REPS1: variants seen among roughly 807,000 people sequenced by gnomAD.
REPS1 encodes the protein ralBP1-associated Eps domain-containing protein 1.
A neutral mutation model predicts 100.9 loss-of-function variants in REPS1; 39 were observed. The ratio of observed to expected loss-of-function variants is 0.39; its 90% confidence interval spans 0.30 to 0.50. REPS1 has a LOEUF of 0.50. Ranked by LOEUF, REPS1 falls within the 20% of genes least tolerant of loss-of-function variation. The probability of loss-of-function intolerance (pLI) is 0.86; values close to 1 mark genes in which losing one functional copy is unlikely to be tolerated. For synonymous variants in REPS1, 324 were observed against 340.3 expected, an observed-to-expected ratio of 0.95 and a Z score of 0.53; for missense variants, 821 against 968.5, an observed-to-expected ratio of 0.85 and a Z score of 2.02.
chr6:138,983,436 C>T (rs1231228064), intron 1 of REPS1, among the ~76,000 whole-genome samples: 1 of 152,022 alleles, frequency 6.6e-6, no homozygotes, highest in African/African-American at 2.4e-5. Flanking sequence ...GCCTGGGCAA[C>T]AGAGCGAGAG....
intron 10 of REPS1, among the ~76,000 whole-genome samples, chr6:138,921,988 TG>T (rs1780804263): frequency 1.3e-5 from 2 of 151,830 alleles, no homozygotes; most frequent in African/African-American, 4.8e-5. Flanking sequence ...TGTGTGTGTG[TG>T]TGTGTGTGTG....
At chr6:138,915,748 GATAAATATTTTTAAAAGAC>G in intron 14 of REPS1, 91 bp downstream of exon 14, 1 of 835,472 alleles carries the variant, frequency 1.2e-6, no homozygotes, top group Non-Finnish European at 1.9e-6. Context: ...CACTCGACCA[GATAAATATTTTTAAAAGAC>G]ATGTAATAGA....
intron 10 of REPS1, among the ~76,000 whole-genome samples, chr6:138,921,976 A>AGTGTGTGTGTGTGTGTGTGT (rs71895504): frequency 0.018 from 2,623 of 148,538 alleles, 31 homozygotes; most frequent in African/African-American, 0.028. Flanking sequence ...CATCTCAAAA[A>AGTGTGTGTGTGTGTGTGTGT]GTGTGTGTGT....
chr6:138,968,787 T>C (rs1262785201), intron 1 of REPS1, among the ~76,000 whole-genome samples: 1 of 152,214 alleles, frequency 6.6e-6, no homozygotes, highest in African/African-American at 2.4e-5. Flanking sequence ...TACAGCCACA[T>C]CAAGGCCTAT....
At chr6:138,963,954 C>T (rs1176947752) in intron 1 of REPS1, among the ~76,000 whole-genome samples, 1 of 152,190 alleles carries the variant, frequency 6.6e-6, no homozygotes, top group Non-Finnish European at 1.5e-5. Context: ...AACCCCACTG[C>T]CAACTCCCTC....
chr6:138,935,856 CG>C (rs1449985583), intron 8 of REPS1, among the ~76,000 whole-genome samples: 115 of 2,196 alleles, frequency 0.052, 1 homozygote, highest in Non-Finnish European at 0.12. Context: ...TCCATCTTGG[CG>C]GGGGGGGGGG....
chr6:138,968,042 G>A (rs79262639), intron 1 of REPS1, among the ~76,000 whole-genome samples: 2,677 of 152,238 alleles, frequency 0.018, 84 homozygotes, highest in African/African-American at 0.061. Flanking sequence ...CAAGTCAAAA[G>A]TATGTTTTCG....
At chr6:138,931,069 C>A (rs994163023) in intron 8 of REPS1, among the ~76,000 whole-genome samples, 1 of 152,092 alleles carries the variant, frequency 6.6e-6, no homozygotes, top group South Asian at 2.1e-4. Flanking sequence ...AGTACCTAAT[C>A]GGTTTAGAAC....
At position 138,920,217 on chromosome 6, in the gene REPS1, A is replaced by C. The variant is rs1276640791; in HGVS notation, c.1526T>G (p.Val509Gly). 2.0e-6 allele frequency: 3 copies of C among 1,475,612 alleles called. No individual in the cohort carries two copies. The Admixed American group carries it at 5.0e-5, about 25-fold the overall frequency. The allele number at this position is 1,475,612 out of a possible 1,614,324, so 91.4% of individuals were successfully genotyped here. The change falls in exon 12 of 20, where the codon GTA becomes GGA. Residue 509 changes from valine to glycine, a missense_variant and splice_region_variant. Around this residue, in one of 3 missense-constraint regions of REPS1, gnomAD observed 757 missense variants for 866.4 expected, o/e 0.87. Transcript: ENST00000450536. ...SSVKFASGNT[V>G]ADGYSSSDSF... ...GGAAGATGTAATACTTCACTTACCT[A>C]CAGTATTACCAGAAGCGAATTTCAC...
intron 13 of REPS1, among the ~76,000 whole-genome samples, chr6:138,916,702 C>T (rs566417626): frequency 6.6e-6 from 1 of 152,244 alleles, no homozygotes; most frequent in Admixed American, 6.5e-5. Flanking sequence ...CTGAAGTACC[C>T]TTTCATGTGT....
chr6:138,913,047 T>C (rs1176317089), intron 15 of REPS1, 97 bp from the exon 16 acceptor site: 12 of 917,118 alleles, frequency 1.3e-5, no homozygotes, highest in East Asian at 2.7e-5. Context: ...TATATAAAGA[T>C]GACCTGTTTT....
chr6:138,988,026 C>G lies in REPS1; in HGVS notation c.-344G>C, dbSNP rs922682722. On this transcript the variant is annotated 5_prime_UTR_variant, in exon 1 of 20. Transcript: ENST00000450536. ...CGCGAGGCACTGGCGGACTCCGCCC[C>G]CGCCGCGGGTTCGAGTCTCCCCGGC... 1.3e-5 allele frequency: 5 copies of G among 396,766 alleles called. No homozygotes were observed. In the East Asian group the frequency reaches 1.4e-4, roughly 11 times the overall value. 24.6% of individuals were successfully genotyped at this position (396,766 alleles called of 1,614,324 possible).
intron 7 of REPS1, among the ~76,000 whole-genome samples, chr6:138,943,046 C>G (rs6914274): frequency 0.15 from 22,536 of 152,200 alleles, 1,767 homozygotes; most frequent in African/African-American, 0.17. Flanking sequence ...CCGCACCCGG[C>G]CCTGGCCTAT....
intron 1 of REPS1, among the ~76,000 whole-genome samples, chr6:138,966,501 T>G (rs1784031726): frequency 6.6e-6 from 1 of 152,152 alleles, no homozygotes; most frequent in Non-Finnish European, 1.5e-5. Context: ...ACTAACCTAA[T>G]CATCCTAACA....
In REPS1 at chr6:138,987,607, T is replaced by A; in HGVS notation, c.76A>T (p.Thr26Ser). The stretch of plus-strand genomic sequence containing the variant: ...CGCCCGTTGACCACCACCTTCTTGG[T>A]GCTCTCAATGTCGCAGTAGGAGAAG... ...DLFSYCDIES[T>S]KKVVVNGRVL... The change falls in exon 1 of 20, where the codon ACC becomes TCC. Residue 26 changes from threonine to serine, a missense_variant. Thr to Ser is a moderately conservative substitution (Grantham distance 58). Transcript: ENST00000450536. 6.4e-7 allele frequency: 1 copy of A among 1,551,164 alleles called. No homozygotes were observed. Among genetic ancestry groups the A allele is most frequent in the Non-Finnish European group, 8.7e-7 (1 of 1,146,714 alleles).
intron 1 of REPS1, among the ~76,000 whole-genome samples, chr6:138,977,715 T>C (rs565874418): frequency 1.3e-5 from 2 of 152,250 alleles, no homozygotes; most frequent in Non-Finnish European, 2.9e-5. Context: ...GACATGTACA[T>C]ACCTTTCTTT....
chr6:138,983,593 C>T (rs1293891841), intron 1 of REPS1, among the ~76,000 whole-genome samples: 2 of 152,218 alleles, frequency 1.3e-5, no homozygotes, highest in African/African-American at 2.4e-5. Context: ...ATGCCAGCTC[C>T]TTCCTCGTTT....
chr6:138,974,629 C>A (rs1220375355), intron 1 of REPS1, among the ~76,000 whole-genome samples: 1 of 152,118 alleles, frequency 6.6e-6, no homozygotes, highest in Non-Finnish European at 1.5e-5. Context: ...ACTTCCACAC[C>A]CATATGGCCT....
intron 8 of REPS1, among the ~76,000 whole-genome samples, chr6:138,934,852 C>T (rs1188890): frequency 0.63 from 95,079 of 152,044 alleles, 30,064 homozygotes; most frequent in Non-Finnish European, 0.66. Context: ...ATAACTTTTA[C>T]TTGAAGAGTA....
Sources: gnomAD v4.1 joint callset for allele counts (sites outside exome capture counted in the v4.1 genomes callset) on GRCh38, gnomAD v4.1.1 for gene constraint, gnomAD v4.1.1 regional missense constraint, MANE v1.5 for transcripts, NCBI Gene and HGNC (gene_info 2026-07-23, HGNC 2026-07-21) for gene names.